The following TRMT61B variants were observed in gnomAD, a reference collection of about 807,000 sequenced individuals.
TRMT61B encodes the protein tRNA methyltransferase 61B.
Under a neutral mutation model 52.0 loss-of-function variants are expected in TRMT61B, and 56 were observed. That is an observed-to-expected ratio of 1.08 (90% CI 0.87 to 1.35). The LOEUF (loss-of-function observed/expected upper bound fraction) is 1.35, where lower values mean the gene tolerates loss of function less well. TRMT61B is among the 40% of genes most tolerant of loss of function. The pLI, the probability that TRMT61B is intolerant of heterozygous loss-of-function variation, is 0.00. For synonymous variants in TRMT61B, 206 were observed against 220.0 expected (o/e 0.94, Z 0.56); for missense variants, 650 against 577.9 (o/e 1.12, Z -1.28).
intron 4 of TRMT61B, among the ~76,000 whole-genome samples, chr2:28,851,650 G>A (rs970655538): frequency 2.6e-5 from 4 of 151,932 alleles, no homozygotes; most frequent in South Asian, 2.1e-4. Flanking sequence ...GAGGCTGAGG[G>A]GGGCAGATCA....
chr2:28,857,797 G>T (rs931104666), intron 3 of TRMT61B, among the ~76,000 whole-genome samples: 3 of 152,132 alleles, frequency 2.0e-5, no homozygotes, highest in Non-Finnish European at 4.4e-5. Flanking sequence ...TCATTGTCCT[G>T]AAGTTGGTAA....
chr2:28,861,768 T>A (rs1430079365), intron 2 of TRMT61B: 1 of 152,792 alleles, frequency 6.5e-6, no homozygotes, highest in African/African-American at 2.4e-5. Flanking sequence ...AGTCTTTGTA[T>A]CAAGCCAGTA....
chr2:28,864,933 C>T, intron 2 of TRMT61B, 84 bp downstream of exon 2: 1 of 811,154 alleles, frequency 1.2e-6, no homozygotes, highest in Non-Finnish European at 2.0e-6. Flanking sequence ...GGTATTTTCC[C>T]AAATATCTTT....
chr2:28,856,145 A>T (rs899280638), intron 3 of TRMT61B, among the ~76,000 whole-genome samples: 10 of 152,174 alleles, frequency 6.6e-5, no homozygotes, highest in Non-Finnish European at 1.0e-4. Flanking sequence ...AGTTAACAGC[A>T]TTTATCCAGT....
intron 4 of TRMT61B, among the ~76,000 whole-genome samples, chr2:28,851,716 C>T (rs1256678636): frequency 2.0e-5 from 3 of 151,378 alleles, no homozygotes; most frequent in Non-Finnish European, 2.9e-5. Flanking sequence ...CCTGTCTCCA[C>T]TAAAATACAA....
intron 2 of TRMT61B, 41 bp downstream of exon 2, chr2:28,864,976 T>C (rs1489276907): frequency 8.3e-7 from 1 of 1,205,922 alleles, no homozygotes; most frequent in South Asian, 1.2e-5. Flanking sequence ...AAATTGAATG[T>C]TTTCTTTGTT....
intron 2 of TRMT61B, among the ~76,000 whole-genome samples, chr2:28,862,989 C>T (rs1669675557): frequency 6.6e-6 from 1 of 151,992 alleles, no homozygotes; most frequent in Admixed American, 6.6e-5. Flanking sequence ...TAACTTTCCA[C>T]CCACCTCTAT....
At chr2:28,850,754 T>G in intron 5 of TRMT61B, 1 of 316,282 alleles carries the variant, frequency 3.2e-6, no homozygotes, top group Non-Finnish European at 5.7e-6. Context: ...ATATTAGCTA[T>G]TTGCCTATCA....
At chr2:28,853,639 T>C (rs1045570694) in intron 3 of TRMT61B, among the ~76,000 whole-genome samples, 2 of 151,848 alleles carry the variant, frequency 1.3e-5, no homozygotes, top group African/African-American at 2.4e-5. Context: ...AGTTTGAGAG[T>C]AGCCTGGCCA....
intron 3 of TRMT61B, among the ~76,000 whole-genome samples, chr2:28,859,736 A>G (rs375717218): frequency 6.6e-5 from 10 of 152,160 alleles, no homozygotes; most frequent in Admixed American, 3.3e-4. Flanking sequence ...AGCTTCAATG[A>G]TATCATTAAA....
chr2:28,860,272 CAAAAAAAAAAAAAAAAAAAA>C (rs540569211), intron 3 of TRMT61B, among the ~76,000 whole-genome samples: 2 of 24,476 alleles, frequency 8.2e-5, no homozygotes, highest in African/African-American at 1.1e-4. Flanking sequence ...ACTCTGTTGC[CAAAAAAAAAAAAAAAAAAAA>C]AAAAAAAAAA....
In TRMT61B at chr2:28,850,103, G is replaced by C; in HGVS notation, c.*96C>G. The C allele has an allele frequency of 7.9e-7, 1 of 1,262,548 alleles. No homozygotes were observed. The highest frequency in any genetic ancestry group is 1.1e-6 in the Non-Finnish European group (1 of 885,974). 78.2% of individuals were successfully genotyped at this position (1,262,548 alleles called of 1,614,324 possible). ...ATAAGTTATATAAGTCATAGTAATA[G>C]CTAAAAATGCCAATCTATGGAAGCA... On this transcript the variant is annotated 3_prime_UTR_variant, in exon 7 of 7. Transcript: ENST00000306108.
At chr2:28,860,835 T>C (rs915556445) in intron 3 of TRMT61B, among the ~76,000 whole-genome samples, 1 of 152,226 alleles carries the variant, frequency 6.6e-6, no homozygotes, top group African/African-American at 2.4e-5. Flanking sequence ...TGATTCATCC[T>C]AGAAATGCTG....
chr2:28,865,672 C>CTTTTT (rs70958219), intron 1 of TRMT61B, among the ~76,000 whole-genome samples: 1 of 80,066 alleles, frequency 1.2e-5, no homozygotes, highest in African/African-American at 5.0e-5. Context: ...GATGAATTTC[C>CTTTTT]TTTTTTTTTT....
intron 3 of TRMT61B, among the ~76,000 whole-genome samples, chr2:28,854,278 T>C (rs1243845175): frequency 2.0e-5 from 3 of 151,926 alleles, no homozygotes; most frequent in Admixed American, 6.6e-5. Flanking sequence ...TATAAATAAA[T>C]AGGACAGAGG....
chr2:28,861,092 C>T (rs909002027), intron 3 of TRMT61B, 26 bp downstream of exon 3: 13 of 1,564,214 alleles, frequency 8.3e-6, no homozygotes, highest in Non-Finnish European at 1.1e-5. Flanking sequence ...AAAGTAATAA[C>T]ACAGGACCCA....
Position 28,869,929 on chromosome 2 carries a change from G to T in TRMT61B, c.349C>A (p.Gln117Lys), listed in dbSNP as rs759704663. 8.7e-6 allele frequency: 14 copies of T among 1,613,834 alleles called. No individual in the cohort carries two copies. The Admixed American group carries it at 2.3e-4, about 27-fold the overall frequency. Residue 117 changes from glutamine to lysine, a missense_variant, in exon 1 of 7, where the codon CAG becomes AAG. By Grantham distance (53) the Gln-to-Lys change is moderately conservative. Coordinates refer to ENST00000306108, the MANE Select transcript of TRMT61B (RefSeq NM_017910.4). ...AGCATCGAAGGATCCTCGGATCCCT[G>T]GTGTGTGGGACCGCACCGGCCCTGG... ...GDQGRCGPTH[Q>K]GSEDPSMLSQ... is the part of the protein sequence containing the mutation.
At chr2:28,851,509 T>C (rs1040834067) in intron 4 of TRMT61B, among the ~76,000 whole-genome samples, 2 of 152,248 alleles carry the variant, frequency 1.3e-5, no homozygotes, top group Non-Finnish European at 2.9e-5. Context: ...CTGTTCACAT[T>C]ATACTTTTAA....
In TRMT61B at chr2:28,869,988, G is replaced by A. The variant is rs1369909479; in HGVS notation, c.290C>T (p.Ser97Leu). ...NLRLPTLREE[S>L]SPRELEDSSG... The stretch of plus-strand genomic sequence containing the variant: ...CGAGTCCTCGAGCTCTCGAGGGGAT[G>A]ACTCTTCCCGCAGCGTCGGCAGTCT... The change falls in exon 1 of 7, where the codon TCA becomes TTA. Residue 97 changes from serine to leucine, a missense_variant. Transcript: ENST00000306108. 6.2e-7 allele frequency: 1 copy of A among 1,613,540 alleles called. No homozygotes were observed. The highest frequency in any genetic ancestry group is 8.5e-7 in the Non-Finnish European group (1 of 1,179,950).
Sources: allele counts gnomAD v4.1 joint callset (sites outside exome capture counted in the v4.1 genomes callset), GRCh38; gene constraint gnomAD v4.1.1; transcripts MANE v1.5; gene names NCBI Gene and HGNC (gene_info 2026-07-23, HGNC 2026-07-21).